INO80: variants seen among roughly 807,000 people sequenced by gnomAD.
The protein encoded by INO80 is chromatin-remodeling ATPase INO80.
A neutral mutation model predicts 203.4 loss-of-function variants in INO80; 20 were observed. The observed-to-expected ratio is 0.10, with a 90% CI of 0.07 to 0.14. INO80 has a LOEUF of 0.14. INO80 is among the 10% of genes least tolerant of loss of function. The probability of loss-of-function intolerance (pLI) is 1.00; values close to 1 mark genes in which losing one functional copy is unlikely to be tolerated. For synonymous variants in INO80, 726 were observed against 685.2 expected, an observed-to-expected ratio of 1.06 and a Z score of -0.93; for missense variants, 1,419 against 1,914.4, an observed-to-expected ratio of 0.74 and a Z score of 4.83.
rs11855248 is a variant in INO80 at position 40,983,960 on chromosome 15, G to A, written c.4078-39C>T. ...GGTTAAGATCATTACGACCCCCTGT[G>A]CTCACCGCCCATGGCCTTGCACCCA... On this transcript the variant is annotated intron_variant, in intron 33 of 35. Coordinates refer to ENST00000648947, the MANE Select transcript of INO80 (RefSeq NM_017553.3). The A allele has an allele frequency of 0.44, 711,451 of 1,604,548 alleles. 159,535 individuals carry two copies. The highest frequency in any genetic ancestry group is 0.48 in the Middle Eastern group (2,468 of 5,112).
Position 41,115,977 on chromosome 15 carries a change from G to C in INO80, c.-48C>G. The C allele has an allele frequency of 2.6e-6, 1 of 386,630 alleles. No homozygotes were observed. The highest frequency in any genetic ancestry group is 4.6e-6 in the Non-Finnish European group (1 of 218,174). 23.9% of individuals were successfully genotyped at this position (386,630 alleles called of 1,614,324 possible). A position where few individuals can be genotyped will look rare whatever the true frequency, so the allele number is the denominator to read the frequency against. ...GCCCACGTCTAGTTGCCTCACCTCG[G>C]GCCGCCTGGCCCCGCCGCCGCGACG... On this transcript the variant is annotated 5_prime_UTR_variant, in exon 1 of 36. Transcript: ENST00000648947.
chr15:41,112,810 A>C lies in INO80; in HGVS notation c.-44+3163T>G, dbSNP rs1009506009. On this transcript the variant is annotated intron_variant, in intron 1 of 35. Transcript: ENST00000648947. ...TCAAAAAAAAAAAAAAAAAAAAAAA[A>C]AAACTTTTCAACTGTTTTCCTACAA... Among the ~76,000 whole-genome samples, 6 of 151,098 alleles carry C rather than the reference A, an allele frequency of 4.0e-5. No homozygotes were observed. In the East Asian group the frequency reaches 5.8e-4, roughly 15 times the overall value.
intron 14 of INO80, among the ~76,000 whole-genome samples, chr15:41,064,831 T>C (rs2045181219): frequency 6.6e-6 from 1 of 152,056 alleles, no homozygotes; most frequent in Non-Finnish European, 1.5e-5. Context: ...ACTCAGCCTC[T>C]ACTAAGAATA....
intron 7 of INO80, among the ~76,000 whole-genome samples, 178 bp from the exon 8 acceptor site, chr15:41,081,251 A>G (rs1489324452): frequency 6.6e-6 from 1 of 152,214 alleles, no homozygotes; most frequent in Non-Finnish European, 1.5e-5. Context: ...AAACGATTAA[A>G]GAAGCATTCA....
At chr15:41,020,854 C>T (rs2044283242) in intron 26 of INO80, 46 bp downstream of exon 26, 1 of 1,228,908 alleles carries the variant, frequency 8.1e-7, no homozygotes, top group Non-Finnish European at 1.2e-6. Context: ...CCTGGTTCTC[C>T]CCTTGCCAAA....
chr15:41,081,883 TA>T lies in INO80; in HGVS notation c.874-811del, dbSNP rs965891714. Among the ~76,000 whole-genome samples, 379 of 147,786 alleles carry T rather than the reference TA, an allele frequency of 2.6e-3. 2 individuals are homozygous for T. The highest frequency in any genetic ancestry group is 9.0e-3 in the African/African-American group (362 of 40,340). ...TTTAAGGGAATATATGAGCCTTTTA[TA>T]AAAAAAAAACTCTTACTAATTAAAG... On this transcript the variant is annotated intron_variant, in intron 7 of 35. Transcript: ENST00000648947.
chr15:41,064,875 T>C (rs1439269856), intron 14 of INO80, among the ~76,000 whole-genome samples: 2 of 152,044 alleles, frequency 1.3e-5, no homozygotes, highest in African/African-American at 2.4e-5. Context: ...CAGGCTCCTG[T>C]AGTCCCAGTT....
Position 41,073,439 on chromosome 15 carries a change from G to A in INO80, c.1384C>T (p.His462Tyr), listed in dbSNP as rs1180276192. 8 of 1,613,978 alleles carry A rather than the reference G, an allele frequency of 5.0e-6. No individual in the cohort carries two copies. The highest frequency in any genetic ancestry group is 6.8e-6 in the Non-Finnish European group (8 of 1,179,954). The change falls in exon 11 of 36, where the codon CAC (histidine) becomes TAC (tyrosine). Residue 462 changes from histidine (H) to tyrosine (Y), a missense_variant. Physicochemically the swap from His to Tyr is moderately conservative, Grantham distance 83. Around this residue, in one of 9 missense-constraint regions of INO80, gnomAD observed 116 missense variants for 119.5 expected, o/e 0.97. Transcript: ENST00000648947. ...LKNAENAYHI[H>Y]QARTRSFDED... is the part of the protein sequence containing the mutation. ...ATCTGAAGACTCACCCGAGCTTGGTGAATATGGTAAGCATTTTCAGCATTC... is the reference window on the plus strand; with the variant it reads ...ATCTGAAGACTCACCCGAGCTTGGTAAATATGGTAAGCATTTTCAGCATTC...
At chr15:41,024,409 T>G (rs1269056549) in intron 25 of INO80, 1 of 152,170 alleles carries the variant, frequency 6.6e-6, no homozygotes, top group Non-Finnish European at 1.5e-5. Context: ...CCTCCCGATT[T>G]GATCAGAAGG....
chr15:41,091,302 T>C (rs2045637581), intron 5 of INO80, among the ~76,000 whole-genome samples: 4 of 151,802 alleles, frequency 2.6e-5, no homozygotes, highest in African/African-American at 7.3e-5. Flanking sequence ...TCAACTGATC[T>C]GCCCACTTCA....
chr15:41,076,392 C>A (rs1194189444), intron 9 of INO80, among the ~76,000 whole-genome samples: 2 of 150,272 alleles, frequency 1.3e-5, no homozygotes, highest in Non-Finnish European at 2.9e-5. Context: ...AACCCAACAA[C>A]CTATATTTCA....
intron 31 of INO80, among the ~76,000 whole-genome samples, chr15:40,986,707 T>A (rs1413440187): frequency 6.6e-6 from 1 of 152,068 alleles, no homozygotes; most frequent in Non-Finnish European, 1.5e-5. Flanking sequence ...CTCACTGCAA[T>A]CTCCACCTCC....
rs1348994142 is a variant in INO80, at chr15:40,980,033, C to T, written c.*190G>A. The T allele has an allele frequency of 6.6e-6, 4 of 601,776 alleles. No individual in the cohort carries two copies. Among genetic ancestry groups the T allele is most frequent in the Non-Finnish European group, 1.2e-5 (4 of 338,338 alleles). The allele number at this position is 601,776 out of a possible 1,614,324, so 37.3% of individuals were successfully genotyped here. A position where few individuals can be genotyped will look rare whatever the true frequency, so the allele number is the denominator to read the frequency against. ...CTGTGGCCTTCCTCCTACAGGCACCCCAGATGCTCCTGATGAGACACAGAT... is the reference window on the plus strand; with the variant it reads ...CTGTGGCCTTCCTCCTACAGGCACCTCAGATGCTCCTGATGAGACACAGAT... On this transcript the variant is annotated 3_prime_UTR_variant, in exon 36 of 36. Coordinates refer to ENST00000648947, the MANE Select transcript of INO80 (RefSeq NM_017553.3).
chr15:41,089,054 G>A (rs1233801366), intron 5 of INO80, among the ~76,000 whole-genome samples: 1 of 152,160 alleles, frequency 6.6e-6, no homozygotes, highest in Non-Finnish European at 1.5e-5. Flanking sequence ...GCCAGGCATG[G>A]TGGCAGGCTT....
At chr15:41,044,690 G>T (rs2044723285) in intron 24 of INO80, among the ~76,000 whole-genome samples, 1 of 51,472 alleles carries the variant, frequency 1.9e-5, no homozygotes, top group Non-Finnish European at 6.3e-5. Flanking sequence ...GTACTTCACA[G>T]TATTGTAAAA....
intron 5 of INO80, among the ~76,000 whole-genome samples, chr15:41,090,051 AT>A (rs2045612394): frequency 6.6e-6 from 1 of 152,236 alleles, no homozygotes; most frequent in African/African-American, 2.4e-5. Flanking sequence ...ATTATTCAAA[AT>A]AGCCAAAAAG....
At chr15:41,039,277 G>T (rs972628897) in intron 24 of INO80, among the ~76,000 whole-genome samples, 15 of 152,200 alleles carry the variant, frequency 9.9e-5, no homozygotes, top group African/African-American at 3.6e-4. Context: ...ACCACACCTG[G>T]CCTAGATCCA....
At chr15:41,064,617 G>A (rs544101157) in intron 14 of INO80, among the ~76,000 whole-genome samples, 111 of 152,304 alleles carry the variant, frequency 7.3e-4, no homozygotes, top group African/African-American at 2.6e-3. Flanking sequence ...CTAAAGTCAT[G>A]CTCAGAAAGC....
At chr15:41,005,542 G>C in intron 28 of INO80, 51 bp downstream of exon 28, 1 of 882,722 alleles carries the variant, frequency 1.1e-6, no homozygotes, top group Non-Finnish European at 1.8e-6. Context: ...ACCATTTCAA[G>C]CACTAGAGGG....
Sources: gnomAD v4.1 joint callset for allele counts (sites outside exome capture counted in the v4.1 genomes callset) on GRCh38, gnomAD v4.1.1 for gene constraint, gnomAD v4.1.1 regional missense constraint, MANE v1.5 for transcripts, NCBI Gene and HGNC (gene_info 2026-07-23, HGNC 2026-07-21) for gene names.